XPO1: variants seen among roughly 807,000 people sequenced by gnomAD.
XPO1 encodes exportin 1.
In XPO1, 5 loss-of-function variants were observed where a neutral mutation model predicts 133.3. The ratio of observed to expected loss-of-function variants is 0.04; its 90% CI spans 0.02 to 0.08. The LOEUF is 0.08. XPO1 is among the 10% of genes least tolerant of loss of function. The pLI is 1.00. For synonymous variants in XPO1, 419 were observed against 408.2 expected (o/e 1.03, Z -0.32); for missense variants, 506 against 1,267.5 (o/e 0.40, Z 9.12).
Position 61,518,120 on chromosome 2 carries a change from A to C in XPO1, c.301+4491T>G, listed in dbSNP as rs1245791095. 4.7e-5 allele frequency among the ~76,000 whole-genome samples: 7 copies of C among 149,396 alleles called. No homozygotes were observed. In the East Asian group the frequency reaches 1.4e-3, roughly 30 times the overall value. On this transcript the variant is annotated intron_variant, in intron 4 of 24. Transcript: ENST00000401558. ...ACTCCAGCCTGGGTGACAGAGAGGG[A>C]CTCTGTCTCACAAAAAAAAAAGAAA...
chr2:61,531,889 C>A (rs1442129704), intron 2 of XPO1, among the ~76,000 whole-genome samples: 1 of 152,112 alleles, frequency 6.6e-6, no homozygotes, highest in African/African-American at 2.4e-5. Flanking sequence ...AAAGTATAAA[C>A]CTGGGCTAAC....
chr2:61,498,523 A>C, intron 9 of XPO1, 150 bp downstream of exon 9: 1 of 852,550 alleles, frequency 1.2e-6, no homozygotes, highest in Non-Finnish European at 1.7e-6. Flanking sequence ...ATAATTTACT[A>C]GGTGTGAATA....
Position 61,505,578 on chromosome 2 carries a change from T to C in XPO1, c.302-3268A>G, listed in dbSNP as rs558872870. ...GGCTACTTTTTTTGTATTTTTTTTT[T>C]GAGACAGAGCCTCACTGTACCCCAG... On this transcript the variant is annotated intron_variant, in intron 4 of 24. Transcript: ENST00000401558. Among the ~76,000 whole-genome samples the C allele has an allele frequency of 5.9e-5, 9 of 151,908 alleles. No individual in the cohort carries two copies. In the South Asian group the frequency reaches 1.7e-3, roughly 28 times the overall value.
intron 3 of XPO1, chr2:61,525,472 T>TA (rs748668693): frequency 1.7e-5 from 17 of 1,007,452 alleles, no homozygotes; most frequent in Non-Finnish European, 2.0e-5. Context: ...GTAATTTATG[T>TA]AAATTGAAGA....
intron 2 of XPO1, among the ~76,000 whole-genome samples, chr2:61,526,861 C>T (rs1239167916): frequency 6.6e-6 from 1 of 152,054 alleles, no homozygotes; most frequent in Admixed American, 6.6e-5. Context: ...GCAGGTGCCA[C>T]CACAGCCAGC....
rs56213841 is a variant in XPO1 at position 61,500,578 on chromosome 2, C to CAAAAAAAA, written c.409-692_409-685dup. Among the ~76,000 whole-genome samples, 119 of 40,296 alleles carry CAAAAAAAA rather than the reference C, an allele frequency of 3.0e-3. 9 individuals carry two copies. The highest frequency in any genetic ancestry group is 4.8e-3 in the African/African-American group (36 of 7,430). 26.4% of individuals were successfully genotyped at this position (40,296 alleles called of 152,430 possible). ...TGGGCAACAGGATGAGACTCCATCTCAAAAAAAAAAAAAAAAAAAAGAGCA... is the reference window on the plus strand; with the variant it reads ...TGGGCAACAGGATGAGACTCCATCTCAAAAAAAAAAAAAAAAAAAAAAAAAAAAGAGCA... On this transcript the variant is annotated intron_variant, in intron 6 of 24. Coordinates refer to ENST00000401558, the MANE Select transcript of XPO1 (RefSeq NM_003400.4).
intron 1 of XPO1, 29 bp downstream of exon 1, chr2:61,537,533 C>T (rs1483766882): frequency 6.7e-6 from 1 of 149,628 alleles, no homozygotes; most frequent in Non-Finnish European, 1.5e-5. Context: ...GCCGCCCGAC[C>T]CTCGGCCCCG....
intron 4 of XPO1, among the ~76,000 whole-genome samples, chr2:61,506,686 CAAATAAATAAAT>C (rs202036818): frequency 2.7e-5 from 4 of 149,446 alleles, no homozygotes; most frequent in African/African-American, 4.9e-5. Context: ...GACTCCACCT[CAAATAAATAAAT>C]AAATAAATAA....
rs1375139786 is a variant in XPO1, at chr2:61,482,615, T to TG, written c.2813-77_2813-76insC. 4.6e-6 allele frequency: 6 copies of TG among 1,299,156 alleles called. No individual in the cohort carries two copies. In the African/African-American group the frequency reaches 7.7e-5, roughly 17 times the overall value. The allele number at this position is 1,299,156 out of a possible 1,614,324, so 80.5% of individuals were successfully genotyped here. On this transcript the variant is annotated intron_variant, in intron 22 of 24. Transcript: ENST00000401558. ...TCTTAGCGTTTTTTTTTGTTTTGTT[T>TG]TTTTTTTTTAGACGGAGTCTCGCTC...
chr2:61,515,427 G>A (rs975798526), intron 4 of XPO1, among the ~76,000 whole-genome samples: 4 of 152,156 alleles, frequency 2.6e-5, no homozygotes, highest in African/African-American at 9.7e-5. Flanking sequence ...AGAAAAGTAG[G>A]TGTTAGTGAG....
At chr2:61,483,901 G>T in intron 21 of XPO1, 36 bp downstream of exon 21, 1 of 1,596,894 alleles carries the variant, frequency 6.3e-7, no homozygotes, top group Non-Finnish European at 8.5e-7. Flanking sequence ...TTTTTGGATT[G>T]GCAGGCAAAT....
intron 1 of XPO1, 130 bp from the exon 2 acceptor site, chr2:61,534,033 AG>A: frequency 1.1e-6 from 1 of 921,320 alleles, no homozygotes; most frequent in Non-Finnish European, 1.4e-6. Flanking sequence ...CTTTAATTAC[AG>A]AAAACTGAGA....
intron 7 of XPO1, 121 bp downstream of exon 7, chr2:61,499,592 A>G (rs2104503367): frequency 2.0e-6 from 2 of 978,074 alleles, no homozygotes; most frequent in South Asian, 3.8e-5. Context: ...GTTGAAAACC[A>G]CTACAAGCAA....
At chr2:61,486,098 G>A (rs1696679610) in intron 19 of XPO1, 136 bp from the exon 20 acceptor site, 3 of 807,582 alleles carry the variant, frequency 3.7e-6, no homozygotes, top group Non-Finnish European at 5.6e-6. Context: ...TTGTATTAGG[G>A]TTTCCTACGT....
chr2:61,493,862 C>T (rs2104446078), intron 12 of XPO1, 32 bp downstream of exon 12: 1 of 1,610,192 alleles, frequency 6.2e-7, no homozygotes, highest in Non-Finnish European at 8.5e-7. Flanking sequence ...CAGTATGCAA[C>T]AGGAAGAACA....
chr2:61,496,570 C>T (rs904868368), intron 10 of XPO1, among the ~76,000 whole-genome samples: 1 of 152,102 alleles, frequency 6.6e-6, no homozygotes, highest in African/African-American at 2.4e-5. Context: ...CAAACTAGGG[C>T]TGAAAAGAAT....
intron 9 of XPO1, 117 bp downstream of exon 9, chr2:61,498,556 G>T: frequency 1.5e-6 from 2 of 1,333,636 alleles, no homozygotes; most frequent in Non-Finnish European, 2.0e-6. Context: ...CCTGAGCAGC[G>T]TCCTCGTGTT....
intron 19 of XPO1, among the ~76,000 whole-genome samples, chr2:61,486,522 TCTTGGCTCACTGCAAGCTC>T (rs1696703816): frequency 6.6e-6 from 1 of 152,110 alleles, no homozygotes; most frequent in African/African-American, 2.4e-5. Flanking sequence ...AGTGGTGCCA[TCTTGGCTCACTGCAAGCTC>T]CGCCTCCAGG....
In XPO1 at chr2:61,483,099, A is replaced by T. The variant is rs1364734014; in HGVS notation, c.2678-8T>A. On this transcript the variant is annotated splice_polypyrimidine_tract_variant and splice_region_variant and intron_variant, in intron 21 of 24. Coordinates refer to ENST00000401558, the MANE Select transcript of XPO1 (RefSeq NM_003400.4). ...TAAAAAGTATCTGTAAGCCTAAAAGACATAGAATACCAATGGAAAGTTACT... is the reference window on the plus strand; with the variant it reads ...TAAAAAGTATCTGTAAGCCTAAAAGTCATAGAATACCAATGGAAAGTTACT... 10 of 1,604,914 alleles carry T rather than the reference A, an allele frequency of 6.2e-6. No individual in the cohort carries two copies. Among genetic ancestry groups the T allele is most frequent in the Non-Finnish European group, 6.8e-6 (8 of 1,175,784 alleles).
Sources: allele counts gnomAD v4.1 joint callset (sites outside exome capture counted in the v4.1 genomes callset), GRCh38; gene constraint gnomAD v4.1.1; transcripts MANE v1.5; gene names NCBI Gene and HGNC (gene_info 2026-07-23, HGNC 2026-07-21).